PCDH15: variants seen among roughly 807,000 people sequenced by gnomAD.
PCDH15 encodes the protein protocadherin related 15, also known as protocadherin-15.
PCDH15 carries 129 observed loss-of-function variants against 178.5 expected under a neutral mutation model. That is an observed-to-expected ratio of 0.72 (90% CI 0.63 to 0.84). PCDH15 has a LOEUF of 0.84. PCDH15 is among the 40% of genes least tolerant of loss of function. PCDH15 has a pLI of 0.00. For synonymous variants in PCDH15, 800 were observed against 732.0 expected, an observed-to-expected ratio of 1.09 and a Z score of -1.50; for missense variants, 2,230 against 2,099.9, an observed-to-expected ratio of 1.06 and a Z score of -1.21.
intron 3 of PCDH15, among the ~76,000 whole-genome samples, chr10:54,437,918 G>A (rs183760544): frequency 2.2e-4 from 33 of 152,146 alleles, no homozygotes; most frequent in African/African-American, 2.7e-4. Flanking sequence ...AAATATGCTC[G>A]TTGGAATCTC....
At chr10:55,159,128 A>G (rs2589444) in intron 2 of PCDH15, among the ~76,000 whole-genome samples, 116,406 of 151,734 alleles carry the variant, frequency 0.77, 48,088 homozygotes, top group Non-Finnish European at 0.92. Flanking sequence ...TTGGGATTAT[A>G]TTTCAGATCT....
intron 7 of PCDH15, among the ~76,000 whole-genome samples, chr10:54,320,484 G>A (rs2061528754): frequency 6.6e-6 from 1 of 151,804 alleles, no homozygotes; most frequent in South Asian, 2.1e-4. Flanking sequence ...GATAATTTTG[G>A]TGGTTCACAA....
intron 2 of PCDH15, among the ~76,000 whole-genome samples, chr10:55,613,061 T>A (rs535814187): frequency 7.0e-6 from 1 of 142,792 alleles, no homozygotes; most frequent in East Asian, 2.1e-4. Flanking sequence ...TCTCTCTCTG[T>A]CGCCCAGGCT....
At chr10:54,784,593 A>G (rs1429283623) in intron 1 of PCDH15, among the ~76,000 whole-genome samples, 1 of 152,086 alleles carries the variant, frequency 6.6e-6, no homozygotes, top group Non-Finnish European at 1.5e-5. Context: ...GATTGGCCTG[A>G]AAATAAATGC....
chr10:54,945,325 G>C (rs747138318), intron 2 of PCDH15, among the ~76,000 whole-genome samples: 10 of 64,612 alleles, frequency 1.5e-4, no homozygotes, highest in Non-Finnish European at 3.2e-4. Context: ...TGGATGTATG[G>C]ATAGATAGAT....
At chr10:55,511,212 T>G (rs1247143793) in intron 2 of PCDH15, among the ~76,000 whole-genome samples, 1 of 151,744 alleles carries the variant, frequency 6.6e-6, no homozygotes, top group African/African-American at 2.4e-5. Flanking sequence ...TATTCTGTCC[T>G]TAATATTTAT....
At chr10:55,024,308 G>T (rs145539459) in intron 2 of PCDH15, among the ~76,000 whole-genome samples, 4,177 of 111,604 alleles carry the variant, frequency 0.037, 208 homozygotes, top group African/African-American at 0.11. Context: ...TATATATATG[G>T]GATGGAATAT....
intron 26 of PCDH15, among the ~76,000 whole-genome samples, chr10:53,872,387 C>T (rs1156671548): frequency 2.0e-5 from 3 of 152,214 alleles, no homozygotes; most frequent in Admixed American, 6.5e-5. Flanking sequence ...CTGACCACAA[C>T]TTTAATCATC....
intron 2 of PCDH15, among the ~76,000 whole-genome samples, chr10:55,478,845 T>A (rs1299361356): frequency 6.6e-6 from 1 of 150,648 alleles, no homozygotes; most frequent in Admixed American, 6.6e-5. Context: ...TAAATAATAT[T>A]ATTAACAACC....
chr10:55,252,818 C>T (rs1190705105), intron 1 of PCDH15, among the ~76,000 whole-genome samples: 1 of 152,068 alleles, frequency 6.6e-6, no homozygotes, highest in African/African-American at 2.4e-5. Context: ...CAAACACACA[C>T]ATTTAAACTA....
intron 1 of PCDH15, among the ~76,000 whole-genome samples, chr10:54,686,244 C>A (rs1565941223): frequency 6.6e-6 from 1 of 151,472 alleles, no homozygotes; most frequent in Non-Finnish European, 1.5e-5. Flanking sequence ...CAGCTAATAA[C>A]CAAACTATTA....
At chr10:54,257,039 T>C (rs569378093) in intron 8 of PCDH15, among the ~76,000 whole-genome samples, 122 of 143,140 alleles carry the variant, frequency 8.5e-4, no homozygotes, top group African/African-American at 3.1e-3. Context: ...ATTCTCTCTC[T>C]CTCGATAGAT....
chr10:55,200,526 A>C (rs1840215633), intron 1 of PCDH15, among the ~76,000 whole-genome samples: 1 of 152,016 alleles, frequency 6.6e-6, no homozygotes, highest in African/African-American at 2.4e-5. Context: ...TGGACTTTTG[A>C]GTTAATCCTG....
chr10:55,288,867 T>TTATATA (rs1457612160), intron 1 of PCDH15, among the ~76,000 whole-genome samples: 2 of 149,058 alleles, frequency 1.3e-5, no homozygotes, highest in African/African-American at 5.1e-5. Flanking sequence ...TTCAATTCTA[T>TTATATA]TAGATATATA....
intron 13 of PCDH15, among the ~76,000 whole-genome samples, chr10:54,158,513 A>G (rs558626615): frequency 1.3e-5 from 2 of 152,292 alleles, no homozygotes; most frequent in African/African-American, 2.4e-5. Flanking sequence ...ATCACCATCA[A>G]TCACCCATGT....
rs1397316977 is a variant in PCDH15, at chr10:54,082,775, C to T, written c.1998-3351G>A. 2.8e-4 allele frequency among the ~76,000 whole-genome samples: 41 copies of T among 147,630 alleles called. 1 individual carries two copies. In the Admixed American group the frequency reaches 2.8e-3, roughly 10 times the overall value. ...TTCGTCAAAATAAAAAAAAAAAAAC[C>T]TTTTGTGCATCAAGGGACATTATCG... On this transcript the variant is annotated intron_variant, in intron 16 of 37. Transcript: ENST00000644397.
chr10:54,564,129 C>A (rs974340954), intron 2 of PCDH15, among the ~76,000 whole-genome samples: 1 of 118,900 alleles, frequency 8.4e-6, no homozygotes, highest in Non-Finnish European at 2.0e-5. Flanking sequence ...CCTTGTTTTT[C>A]CCCCCCACAT....
At chr10:53,885,294 G>A (rs753361445) in intron 26 of PCDH15, among the ~76,000 whole-genome samples, 1 of 151,826 alleles carries the variant, frequency 6.6e-6, no homozygotes, top group Non-Finnish European at 1.5e-5. Flanking sequence ...AGAACTTCAA[G>A]ATTTATTTCC....
intron 25 of PCDH15, chr10:53,906,766 T>C (rs1228091506): frequency 6.6e-6 from 1 of 151,372 alleles, no homozygotes; most frequent in Non-Finnish European, 1.5e-5. Context: ...GCAAACTCTC[T>C]TCTTTTATGT....
Sources: gnomAD v4.1 joint callset for allele counts (sites outside exome capture counted in the v4.1 genomes callset) on GRCh38, gnomAD v4.1.1 for gene constraint, MANE v1.5 for transcripts, NCBI Gene and HGNC (gene_info 2026-07-23, HGNC 2026-07-21) for gene names.